Variants in UNC5CL observed in about 807,000 individuals in gnomAD.
The protein encoded by UNC5CL is unc-5 family C-terminal like.
UNC5CL carries 42 observed loss-of-function variants against 54.1 expected under a neutral mutation model. The observed-to-expected ratio is 0.78, with a 90% CI of 0.61 to 1.00. The LOEUF (loss-of-function observed/expected upper bound fraction) is 1.00. UNC5CL is among the 50% of genes least tolerant of loss of function. UNC5CL has a pLI of 0.00. For synonymous variants in UNC5CL, 285 were observed against 285.1 expected (o/e 1.00, Z 0.00); for missense variants, 619 against 675.6 (o/e 0.92, Z 0.93).
In UNC5CL at chr6:41,028,520, C is replaced by T. The variant is rs778438173; in HGVS notation, c.1410G>A (p.Glu470=). ...CCATGACGGTCATGAGGTAGTGCAG[C>T]TCCTGCAGGCTGCCGTTCTGCTCCT... ...LFEEQNGSLQ[E]LHYLMTVMER... is the part of the protein sequence containing the mutation. The change falls in exon 9 of 9, where the codon GAG becomes GAA. Residue 470 remains glutamate (E), a synonymous_variant. Coordinates refer to ENST00000244565, the MANE Select transcript of UNC5CL (RefSeq NM_173561.3). The surrounding 1 kb of genome is among the most constrained non-coding windows in gnomAD (Gnocchi z 4.3). 6.2e-7 allele frequency: 1 copy of T among 1,613,842 alleles called. No individual in the cohort carries two copies. The highest frequency in any genetic ancestry group is 1.1e-5 in the South Asian group (1 of 91,092).
intron 5 of UNC5CL, 104 bp downstream of exon 5, chr6:41,031,932 G>C: frequency 7.7e-7 from 1 of 1,296,420 alleles, no homozygotes; most frequent in East Asian, 2.3e-5. Flanking sequence ...CTGTGTGCAT[G>C]GCTGCATGGG....
At position 41,028,728 on chromosome 6, in the gene UNC5CL, C is replaced by G. The variant is rs543736976; in HGVS notation, c.1335-133G>C. 3.9e-4 allele frequency: 329 copies of G among 846,126 alleles called. No individual in the cohort carries two copies. Among genetic ancestry groups the G allele is most frequent in the Non-Finnish European group, 5.6e-4 (314 of 559,926 alleles). 52.4% of individuals were successfully genotyped at this position (846,126 alleles called of 1,614,324 possible). A position where few individuals can be genotyped will look rare whatever the true frequency, so the allele number is the denominator to read the frequency against. ...CTGTAGCTTTTGTCCTTGTCCTGCT[C>G]TTGCCTGCCTTCCAGGGCACAGGAG... On this transcript the variant is annotated intron_variant, in intron 8 of 8. Transcript: ENST00000244565. This position sits in a 1 kb window ranked among gnomAD's most constrained non-coding sequence, Gnocchi z 4.3.
rs1762473557 is a variant in UNC5CL, at chr6:41,032,982, T to C, written c.851A>G (p.Glu284Gly). ...PCALQWALTN[E>G]QPHGGRLRGP... ...ACGCAGGCGCCCACCATGGGGCTGC[T>C]CGTTGGTCAGTGCCCACTGCAGGGC... The change falls in exon 4 of 9, where the codon GAG becomes GGG. Residue 284 changes from glutamate (E) to glycine (G), a missense_variant. Coordinates refer to ENST00000244565, the MANE Select transcript of UNC5CL (RefSeq NM_173561.3). 6.2e-7 allele frequency: 1 copy of C among 1,603,968 alleles called. No individual in the cohort carries two copies. The highest frequency in any genetic ancestry group is 1.7e-5 in the Admixed American group (1 of 58,330).
Position 41,033,041 on chromosome 6 carries a change from T to A in UNC5CL, c.792A>T (p.Gln264His). 6.2e-7 allele frequency: 1 copy of A among 1,611,802 alleles called. No individual in the cohort carries two copies. Among genetic ancestry groups the A allele is most frequent in the South Asian group, 1.1e-5 (1 of 90,558 alleles). ...SPLVPGQSHL[Q>H]LRIYFLNNTP... is the part of the protein sequence containing the mutation. ...TGTTGTTGAGGAAGTAGATACGCAG[T>A]TGCAGATGGGACTGTCCTGGCACCA... The change falls in exon 4 of 9, where the codon CAA (glutamine) becomes CAT (histidine). Residue 264 changes from glutamine (Q) to histidine (H), a missense_variant. Coordinates refer to ENST00000244565, the MANE Select transcript of UNC5CL (RefSeq NM_173561.3).
Position 41,028,587 on chromosome 6 carries a change from G to T in UNC5CL, c.1343C>A (p.Ser448Tyr). ...GGCCGCTGCGGGGCTGCGCTGGCAG[G>T]ACAGGAACCTGGCCCGAGGTAGGGG... ...GLCGMKIRFL[S>Y]CQRSPAAAIL... is the part of the protein sequence containing the mutation. The change falls in exon 9 of 9, where the codon TCC becomes TAC. Residue 448 changes from serine (S) to tyrosine (Y), a missense_variant. Physicochemically the swap from Ser to Tyr is moderately radical, Grantham distance 144. Transcript: ENST00000244565. The surrounding 1 kb of genome is among the most constrained non-coding windows in gnomAD (Gnocchi z 4.3). 1 of 1,613,106 alleles carries T rather than the reference G, an allele frequency of 6.2e-7. No individual in the cohort carries two copies. Among genetic ancestry groups the T allele is most frequent in the Non-Finnish European group, 8.5e-7 (1 of 1,179,910 alleles).
At position 41,028,338 on chromosome 6, in the gene UNC5CL, C is replaced by T; in HGVS notation, c.*35G>A. ...AGGCGTAGGAGAACAACCCCTCTCG[C>T]CCCTACACCTCCTCCGGCCCTGCCC... On this transcript the variant is annotated 3_prime_UTR_variant, in exon 9 of 9. Transcript: ENST00000244565. The surrounding 1 kb of genome is among the most constrained non-coding windows in gnomAD (Gnocchi z 4.3). 6.6e-7 allele frequency: 1 copy of T among 1,526,702 alleles called. No homozygotes were observed. Among genetic ancestry groups the T allele is most frequent in the Non-Finnish European group, 8.8e-7 (1 of 1,138,164 alleles). 94.6% of individuals were successfully genotyped at this position (1,526,702 alleles called of 1,614,324 possible).
At chr6:41,032,863 A>T (rs1479116791) in intron 4 of UNC5CL, 21 bp downstream of exon 4, 1 of 1,574,636 alleles carries the variant, frequency 6.4e-7, no homozygotes, top group Non-Finnish European at 8.6e-7. Context: ...ATCCTATCCC[A>T]CAGGCCACTG....
rs148910084 is a variant in UNC5CL at position 41,027,892 on chromosome 6, C to A, written c.*481G>T. ...ACACCCACCTCCCCTAACCACAGGG[C>A]AGGGCTGTTTTCGAGTTTGCCCTTG... On this transcript the variant is annotated 3_prime_UTR_variant, in exon 9 of 9. Coordinates refer to ENST00000244565, the MANE Select transcript of UNC5CL (RefSeq NM_173561.3). 1.1e-3 allele frequency: 167 copies of A among 155,154 alleles called. No individual in the cohort carries two copies. The highest frequency in any genetic ancestry group is 1.7e-3 in the Non-Finnish European group (122 of 69,974). The allele number at this position is 155,154 out of a possible 1,614,324, so 9.6% of individuals were successfully genotyped here.
At chr6:41,033,772 AC>A in intron 3 of UNC5CL, 108 bp downstream of exon 3, 1 of 1,285,110 alleles carries the variant, frequency 7.8e-7, no homozygotes, top group Non-Finnish European at 1.1e-6. Flanking sequence ...GGATTTGCAG[AC>A]CATCTTCTAT....
In UNC5CL at chr6:41,030,378, C is replaced by G. The variant is rs541907235; in HGVS notation, c.1334+10G>C. 25 of 1,613,836 alleles carry G rather than the reference C, an allele frequency of 1.5e-5. No individual in the cohort carries two copies. The South Asian group carries it at 2.5e-4, about 16-fold the overall frequency. The stretch of plus-strand genomic sequence containing the variant: ...CCTCTACCATCCACAGACCTCACCC[C>G]TCTTCCTACCGGATCTTCATGCCGC... On this transcript the variant is annotated intron_variant, in intron 8 of 8. Transcript: ENST00000244565.
intron 1 of UNC5CL, among the ~76,000 whole-genome samples, chr6:41,038,868 A>G (rs574443398): frequency 1.3e-5 from 2 of 152,216 alleles, no homozygotes; most frequent in Admixed American, 1.3e-4. Context: ...TGCCTCCCCA[A>G]CACCTGATAG....
intron 8 of UNC5CL, among the ~76,000 whole-genome samples, chr6:41,030,186 T>C (rs1275589977): frequency 6.6e-6 from 1 of 152,222 alleles, no homozygotes; most frequent in African/African-American, 2.4e-5. Flanking sequence ...ATTGAGCACC[T>C]ACTATGCACC....
chr6:41,031,922 C>A, intron 5 of UNC5CL, 114 bp downstream of exon 5: 1 of 1,263,784 alleles, frequency 7.9e-7, no homozygotes, highest in South Asian at 1.3e-5. Context: ...CAGGGAAGGT[C>A]TGTGTGCATG....
chr6:41,033,057 C>G lies in UNC5CL; in HGVS notation c.776G>C (p.Gly259Ala), dbSNP rs766212168. The G allele has an allele frequency of 1.2e-6, 2 of 1,612,864 alleles. No homozygotes were observed. The highest frequency in any genetic ancestry group is 2.2e-5 in the South Asian group (2 of 90,738). ...LAVFCSPLVP[G>A]QSHLQLRIYF... is the part of the protein sequence containing the mutation. ...GATACGCAGTTGCAGATGGGACTGTCCTGGCACCAGCGGTGAGCAGAATAC... is the reference window on the plus strand; with the variant it reads ...GATACGCAGTTGCAGATGGGACTGTGCTGGCACCAGCGGTGAGCAGAATAC... Residue 259 changes from glycine (G) to alanine (A), a missense_variant, in exon 4 of 9, where the codon GGA becomes GCA. Coordinates refer to ENST00000244565, the MANE Select transcript of UNC5CL (RefSeq NM_173561.3).
rs546277355 is a variant in UNC5CL, at chr6:41,028,937, ACCCCTAGCCTC to A, written c.1335-353_1335-343del. Among the ~76,000 whole-genome samples, 2 of 109,236 alleles carry A rather than the reference ACCCCTAGCCTC, an allele frequency of 1.8e-5. No homozygotes were observed. The highest frequency in any genetic ancestry group is 3.6e-5 in the African/African-American group (1 of 27,766). 71.7% of individuals were successfully genotyped at this position (109,236 alleles called of 152,430 possible). A position where few individuals can be genotyped will look rare whatever the true frequency, so the allele number is the denominator to read the frequency against. On this transcript the variant is annotated intron_variant, in intron 8 of 8. Transcript: ENST00000244565. The surrounding 1 kb of genome is among the most constrained non-coding windows in gnomAD (Gnocchi z 4.3). The stretch of plus-strand genomic sequence containing the variant: ...TCTCTACCTCCCCCACTCCAAATAC[ACCCCTAGCCTC>A]CCCCTAGCCTCCTAACTCCCTCCTT...
chr6:41,034,396 C>T (rs1163316122), intron 2 of UNC5CL, among the ~76,000 whole-genome samples: 1 of 152,240 alleles, frequency 6.6e-6, no homozygotes. Context: ...ACCCAGGCTG[C>T]TGCTAGCCCA....
In UNC5CL at chr6:41,032,076, T is replaced by G; in HGVS notation, c.1011A>C (p.Gly337=). Residue 337 remains glycine (G), a synonymous_variant, in exon 5 of 9, where the codon GGA becomes GGC. Coordinates refer to ENST00000244565, the MANE Select transcript of UNC5CL (RefSeq NM_173561.3). ...AGCAGAAGGAGCGGAAGGGGCACTT[T>G]CCATGCCAGATGTGGAGATGGGGAA... ...QLVPHLHIWH[G]KCPFRSFCFR... 1.2e-6 allele frequency: 2 copies of G among 1,614,142 alleles called. No individual in the cohort carries two copies. Among genetic ancestry groups the G allele is most frequent in the Non-Finnish European group, 1.7e-6 (2 of 1,180,020 alleles).
At chr6:41,034,410 T>G (rs919685824) in intron 2 of UNC5CL, among the ~76,000 whole-genome samples, 7 of 152,228 alleles carry the variant, frequency 4.6e-5, no homozygotes, top group African/African-American at 1.7e-4. Flanking sequence ...TAGCCCATAG[T>G]GTGCCTTGTG....
chr6:41,034,335 G>A (rs1762492945), intron 2 of UNC5CL, among the ~76,000 whole-genome samples, 154 bp from the exon 3 acceptor site: 1 of 152,228 alleles, frequency 6.6e-6, no homozygotes, highest in Non-Finnish European at 1.5e-5. Flanking sequence ...AGAGTAAGAC[G>A]ACTGTGGAGC....
Sources: allele counts gnomAD v4.1 joint callset (sites outside exome capture counted in the v4.1 genomes callset), GRCh38; gene constraint gnomAD v4.1.1; non-coding constraint Gnocchi (gnomAD v3.1); transcripts MANE v1.5; gene names NCBI Gene and HGNC (gene_info 2026-07-23, HGNC 2026-07-21).